The following CALN1 variants were observed in gnomAD, a reference collection of about 807,000 sequenced individuals.
CALN1 encodes the protein calneuron 1, also known as calcium-binding protein 8.
A neutral mutation model predicts 30.6 loss-of-function variants in CALN1; 17 were observed. The ratio of observed to expected loss-of-function variants is 0.56; its 90% CI spans 0.38 to 0.83. The LOEUF is 0.83. Ranked by LOEUF, CALN1 falls within the 40% of genes least tolerant of loss-of-function variation. CALN1 has a pLI of 0.00. For synonymous variants in CALN1, 156 were observed against 131.4 expected, an observed-to-expected ratio of 1.19 and a Z score of -1.28; for missense variants, 291 against 354.9, an observed-to-expected ratio of 0.82 and a Z score of 1.45.
At chr7:72,146,720 AC>A (rs1261214830) in intron 3 of CALN1, among the ~76,000 whole-genome samples, 3 of 152,228 alleles carry the variant, frequency 2.0e-5, no homozygotes, top group Non-Finnish European at 4.4e-5. Flanking sequence ...TTCAAACTAT[AC>A]TACAAGGCTA....
intron 3 of CALN1, among the ~76,000 whole-genome samples, chr7:72,136,276 G>A (rs891377763): frequency 3.3e-5 from 5 of 152,118 alleles, no homozygotes; most frequent in African/African-American, 1.2e-4. Flanking sequence ...GCTTCTACAT[G>A]AGCACTTGTT....
intron 4 of CALN1, among the ~76,000 whole-genome samples, chr7:72,084,503 C>A (rs1805355762): frequency 6.6e-6 from 1 of 151,316 alleles, no homozygotes; most frequent in African/African-American, 2.4e-5. Context: ...GGATTACAGG[C>A]ACCCACCACC....
chr7:71,825,314 G>C (rs576078408), intron 5 of CALN1, among the ~76,000 whole-genome samples: 1 of 152,242 alleles, frequency 6.6e-6, no homozygotes, highest in East Asian at 1.9e-4. Flanking sequence ...TGAATCATGG[G>C]GGCAGTTTCC....
chr7:71,895,640 C>T (rs1793494288), intron 5 of CALN1, among the ~76,000 whole-genome samples: 1 of 152,054 alleles, frequency 6.6e-6, no homozygotes, highest in Non-Finnish European at 1.5e-5. Flanking sequence ...AGGTGCCCAA[C>T]AAAATTCTCT....
chr7:72,489,164 C>G, the CALN1 span, among the ~76,000 whole-genome samples: 3 of 152,114 alleles, frequency 2.0e-5, no homozygotes, highest in Non-Finnish European at 4.4e-5. Context: ...CTCCAATACT[C>G]CTCCTCCAGG....
chr7:72,100,500 A>C (rs1417612871), intron 4 of CALN1, among the ~76,000 whole-genome samples: 1 of 152,120 alleles, frequency 6.6e-6, no homozygotes, highest in Non-Finnish European at 1.5e-5. Flanking sequence ...TAAATCTTAT[A>C]GGAATAACTC....
intron 5 of CALN1, among the ~76,000 whole-genome samples, chr7:71,990,886 C>T (rs866551834): frequency 2.4e-4 from 36 of 152,170 alleles, no homozygotes; most frequent in African/African-American, 7.7e-4. Context: ...GATTGGGGCC[C>T]GTTTCTGGTT....
intron 5 of CALN1, among the ~76,000 whole-genome samples, chr7:71,994,096 T>A (rs1799111096): frequency 6.6e-6 from 1 of 152,140 alleles, no homozygotes; most frequent in Admixed American, 6.5e-5. Flanking sequence ...ACCCCTACTA[T>A]AAAAATTTTT....
At chr7:72,061,969 C>G (rs1256361601) in intron 4 of CALN1, among the ~76,000 whole-genome samples, 2 of 151,874 alleles carry the variant, frequency 1.3e-5, no homozygotes, top group African/African-American at 2.4e-5. Flanking sequence ...GACGCATTAC[C>G]AACAGAAAGC....
intron 5 of CALN1, among the ~76,000 whole-genome samples, chr7:71,998,207 A>C (rs1799347867): frequency 1.3e-5 from 2 of 152,126 alleles, no homozygotes; most frequent in African/African-American, 4.8e-5. Context: ...AAAAACCAAA[A>C]AATTTACCAT....
chr7:72,127,794 A>G (rs996950629), intron 3 of CALN1, among the ~76,000 whole-genome samples: 2 of 152,166 alleles, frequency 1.3e-5, no homozygotes, highest in Non-Finnish European at 2.9e-5. Context: ...ACAGTAACTA[A>G]TAACAGCCTT....
intron 5 of CALN1, among the ~76,000 whole-genome samples, chr7:72,003,010 T>A (rs560137735): frequency 6.6e-6 from 1 of 152,322 alleles, no homozygotes; most frequent in African/African-American, 2.4e-5. Flanking sequence ...CAGTCTATTG[T>A]ACACTTGAAA....
At chr7:71,791,690 C>T (rs1232870210) in intron 6 of CALN1, among the ~76,000 whole-genome samples, 2 of 152,258 alleles carry the variant, frequency 1.3e-5, no homozygotes, top group East Asian at 1.9e-4. Flanking sequence ...GCACATGTAT[C>T]CCTGAACCTA....
rs143006519 is a variant in CALN1 at position 72,100,210 on chromosome 7, G to C, written c.388+5941C>G. Among the ~76,000 whole-genome samples the C allele has an allele frequency of 1.8e-3, 269 of 151,756 alleles. 1 individual carries two copies. Among genetic ancestry groups the C allele is most frequent in the Non-Finnish European group, 3.0e-3 (204 of 67,978 alleles). ...GTCTAGCTCTGTTACCCGGGCTGGA[G>C]TGCAGTGGTACAATCATAGCTTACT... On this transcript the variant is annotated intron_variant, in intron 4 of 6. Transcript: ENST00000395275.
At chr7:72,451,179 CAGG>C (rs1330614631), upstream of CALN1, among the ~76,000 whole-genome samples, 3 of 94,706 alleles carry the variant, frequency 3.2e-5, no homozygotes, top group Non-Finnish European at 5.8e-5. Flanking sequence ...GGAGGAGGAG[CAGG>C]AGGAGGAGAA....
chr7:72,452,140 G>C (rs2129564757), upstream of CALN1, among the ~76,000 whole-genome samples: 1 of 152,268 alleles, frequency 6.6e-6, no homozygotes, highest in East Asian at 1.9e-4. Context: ...AGGTGTGTTA[G>C]GTAAATGTTA....
chr7:72,173,799 T>C (rs1478131439), intron 3 of CALN1, among the ~76,000 whole-genome samples: 1 of 152,030 alleles, frequency 6.6e-6, no homozygotes, highest in African/African-American at 2.4e-5. Flanking sequence ...TCAAAATTGA[T>C]AATAGATCTA....
At chr7:72,112,509 A>G (rs1318910095) in intron 3 of CALN1, among the ~76,000 whole-genome samples, 2 of 152,226 alleles carry the variant, frequency 1.3e-5, no homozygotes, top group African/African-American at 4.8e-5. Flanking sequence ...CAGCGAGGCT[A>G]GGCAAGGCAG....
chr7:72,372,621 G>C (rs572818817), intron 2 of CALN1, among the ~76,000 whole-genome samples: 31 of 152,122 alleles, frequency 2.0e-4, no homozygotes, highest in African/African-American at 5.8e-4. Context: ...CAATAGCTTT[G>C]GTGCCAAACT....
Sources: gnomAD v4.1 joint callset for allele counts (sites outside exome capture counted in the v4.1 genomes callset) on GRCh38, gnomAD v4.1.1 for gene constraint, MANE v1.5 for transcripts, NCBI Gene and HGNC (gene_info 2026-07-23, HGNC 2026-07-21) for gene names.